The following PITPNM1 variants were observed in gnomAD, a reference collection of about 807,000 sequenced individuals.
PITPNM1 encodes the protein membrane-associated phosphatidylinositol transfer protein 1.
In PITPNM1, 74 loss-of-function variants were observed where a neutral mutation model predicts 133.3. The ratio of observed to expected loss-of-function variants is 0.56; its 90% CI spans 0.46 to 0.67. The LOEUF (loss-of-function observed/expected upper bound fraction) is 0.67. PITPNM1 is among the 30% of genes least tolerant of loss of function. PITPNM1 has a pLI of 0.00. For missense variants in PITPNM1, 1,398 were observed against 1,739.5 expected, an observed-to-expected ratio of 0.80 and a Z score of 3.49; for synonymous variants, 738 against 741.4, an observed-to-expected ratio of 1.00 and a Z score of 0.08.
At chr11:67,494,815 TGGGCGAGG>T (rs1866058533) in intron 18 of PITPNM1, 23 bp downstream of exon 18, 2 of 1,330,048 alleles carry the variant, frequency 1.5e-6, no homozygotes, top group African/African-American at 3.8e-5. Flanking sequence ...AGTGGGCGAG[TGGGCGAGG>T]GGGCGAGGGG....
At chr11:67,495,832 TTGGCCCATACATACC>T (rs1167406082) in intron 15 of PITPNM1, among the ~76,000 whole-genome samples, 1 of 152,218 alleles carries the variant, frequency 6.6e-6, no homozygotes, top group African/African-American at 2.4e-5. Flanking sequence ...ACAGGCCCGC[TTGGCCCATACATACC>T]TGGGCATGCC....
chr11:67,495,357 A>G (rs962056262), intron 16 of PITPNM1, 81 bp downstream of exon 16: 1 of 1,457,180 alleles, frequency 6.9e-7, no homozygotes. Context: ...GCTGGGGGAA[A>G]GGGTTTCTCA....
In PITPNM1 at chr11:67,493,416, C is replaced by T; in HGVS notation, c.3336G>A (p.Val1112=). 1 of 1,589,304 alleles carries T rather than the reference C, an allele frequency of 6.3e-7. No homozygotes were observed. Among genetic ancestry groups the T allele is most frequent in the South Asian group, 1.1e-5 (1 of 88,880 alleles). ...CCTCCCCCAGCCGCCGCACCTCCTG[C>T]ACCAGGCTCTGCAGAAACATTGCCT... The part of the protein sequence containing the change: ...RQKAMFLQSL[V]QEVELNIVAG... Residue 1112 remains valine, a synonymous_variant, in exon 22 of 24, where the codon GTG becomes GTA. Coordinates refer to ENST00000356404, the MANE Select transcript of PITPNM1 (RefSeq NM_004910.3).
Position 67,493,874 on chromosome 11 carries a change from C to T in PITPNM1, c.3009-37G>A, listed in dbSNP as rs931712595. ...GGGGCGGGGCGTGAGTGGCGCGGGG[C>T]GAGGCCTGGCGGAGCCCTCCCGCAG... On this transcript the variant is annotated intron_variant, in intron 20 of 23. Coordinates refer to ENST00000356404, the MANE Select transcript of PITPNM1 (RefSeq NM_004910.3). 2.4e-5 allele frequency: 36 copies of T among 1,520,834 alleles called. No homozygotes were observed. In the Middle Eastern group the frequency reaches 5.6e-4, roughly 24 times the overall value. 94.2% of individuals were successfully genotyped at this position (1,520,834 alleles called of 1,614,324 possible). A position where few individuals can be genotyped will look rare whatever the true frequency, so the allele number is the denominator to read the frequency against.
In PITPNM1 at chr11:67,504,572, C is replaced by G. The variant is rs1386095007; in HGVS notation, c.-41-351G>C. 1 of 152,160 alleles carries G rather than the reference C, an allele frequency of 6.6e-6. No individual in the cohort carries two copies. The highest frequency in any genetic ancestry group is 1.5e-5 in the Non-Finnish European group (1 of 68,014). 9.4% of individuals were successfully genotyped at this position (152,160 alleles called of 1,614,324 possible). A position where few individuals can be genotyped will look rare whatever the true frequency, so the allele number is the denominator to read the frequency against. ...CCCCGGGAAACGGCATCCCTCTGGG[C>G]GCGCCCCCGAAGCCCCGGGGCCCCT... On this transcript the variant is annotated intron_variant, in intron 1 of 23. Transcript: ENST00000356404. This position sits in a 1 kb window ranked among gnomAD's most constrained non-coding sequence, Gnocchi z 5.4.
chr11:67,499,587 ATCCATCC>A (rs1866251088), intron 8 of PITPNM1, 129 bp downstream of exon 8: 2 of 315,564 alleles, frequency 6.3e-6, no homozygotes, highest in African/African-American at 3.4e-5. Flanking sequence ...CCATCCATCC[ATCCATCC>A]ACCATTCATT....
Position 67,493,911 on chromosome 11 carries a change from G to A in PITPNM1, c.3008+11C>T, listed in dbSNP as rs749422849. 2.6e-6 allele frequency: 4 copies of A among 1,536,608 alleles called. No homozygotes were observed. The highest frequency in any genetic ancestry group is 3.5e-6 in the Non-Finnish European group (4 of 1,141,890). Reference sequence around the variant, plus strand: ...GAGCCCTCCCGCAGAGGCCCGGCCAGCCGCGCTCACCTGACCACCATGCGC... The same window carrying A: ...GAGCCCTCCCGCAGAGGCCCGGCCAACCGCGCTCACCTGACCACCATGCGC... On this transcript the variant is annotated intron_variant, in intron 20 of 23. Transcript: ENST00000356404.
In PITPNM1 at chr11:67,493,484, C is replaced by T. The variant is rs926260236; in HGVS notation, c.3268G>A (p.Val1090Ile). ...LSQHNFPHGV[V>I]SFCDGLTHDP... The stretch of plus-strand genomic sequence containing the variant: ...TGGGTGAGGCCGTCGCAGAAGGAGA[C>T]GACGCCGTGGGGGAAGTTGTGCTGC... Residue 1090 changes from valine to isoleucine, a missense_variant, in exon 22 of 24, where the codon GTC (valine) becomes ATC (isoleucine). Transcript: ENST00000356404. 2.5e-6 allele frequency: 4 copies of T among 1,603,662 alleles called. No individual in the cohort carries two copies. The highest frequency in any genetic ancestry group is 3.4e-6 in the Non-Finnish European group (4 of 1,175,650).
Position 67,501,846 on chromosome 11 carries a change from G to A in PITPNM1, c.640+16C>T, listed in dbSNP as rs764474574. 10 of 1,609,238 alleles carry A rather than the reference G, an allele frequency of 6.2e-6. No individual in the cohort carries two copies. Among genetic ancestry groups the A allele is most frequent in the East Asian group, 4.5e-5 (2 of 44,820 alleles). On this transcript the variant is annotated intron_variant, in intron 5 of 23. Coordinates refer to ENST00000356404, the MANE Select transcript of PITPNM1 (RefSeq NM_004910.3). ...GCATGCTGGGTAAGTGGGACCTCCC[G>A]CAGCTGGGTGCTCACCTACATCATG...
chr11:67,503,836 C>T, intron 2 of PITPNM1: 8 of 362,924 alleles, frequency 2.2e-5, no homozygotes, highest in Non-Finnish European at 4.0e-5. Context: ...ATTCTTGCCG[C>T]CTCCTGGGCG....
At chr11:67,496,085 C>T (rs1866110962) in intron 15 of PITPNM1, 93 bp downstream of exon 15, 1 of 1,228,750 alleles carries the variant, frequency 8.1e-7, no homozygotes, top group Non-Finnish European at 1.1e-6. Flanking sequence ...AGAGGTTTTC[C>T]ATCGTCTGGG....
At chr11:67,492,341 C>T (rs776704755) in intron 23 of PITPNM1, 45 bp from the exon 24 acceptor site, 2 of 1,501,666 alleles carry the variant, frequency 1.3e-6, no homozygotes, top group East Asian at 4.7e-5. Flanking sequence ...TGGCCAAGGG[C>T]CCACACGCTG....
intron 14 of PITPNM1, chr11:67,496,931 C>CA (rs772958237): frequency 0.13 from 20,348 of 158,992 alleles, 1,270 homozygotes; most frequent in African/African-American, 0.31. Flanking sequence ...GACTCTGTCT[C>CA]AAAAAAAAAA....
At chr11:67,505,963 G>A (rs1452314134), upstream of PITPNM1, among the ~76,000 whole-genome samples, 1 of 152,228 alleles carries the variant, frequency 6.6e-6, no homozygotes, top group East Asian at 1.9e-4. This position sits in a 1 kb window ranked among gnomAD's most constrained non-coding sequence, Gnocchi z 5.8. Flanking sequence ...GGCCTCACGA[G>A]GCACCCCAAG....
chr11:67,501,577 T>A (rs1866322273), intron 5 of PITPNM1, among the ~76,000 whole-genome samples: 1 of 152,184 alleles, frequency 6.6e-6, no homozygotes, highest in African/African-American at 2.4e-5. Flanking sequence ...TGTCTCTAAG[T>A]CTCATCTAAC....
chr11:67,497,517 G>A lies in PITPNM1; in HGVS notation c.1940+5C>T, dbSNP rs752644900. 9 of 1,605,920 alleles carry A rather than the reference G, an allele frequency of 5.6e-6. No homozygotes were observed. Among genetic ancestry groups the A allele is most frequent in the South Asian group, 3.3e-5 (3 of 90,546 alleles). ...AGGGTAGGGGTGATGGGGCAGGGAC[G>A]TCACCTGTTCTGAGAGCCCTCGGGC... On this transcript the variant is annotated splice_donor_5th_base_variant and intron_variant, in intron 13 of 23. Transcript: ENST00000356404.
chr11:67,505,785 G>A (rs934611131), upstream of PITPNM1, among the ~76,000 whole-genome samples: 26 of 152,280 alleles, frequency 1.7e-4, no homozygotes, highest in African/African-American at 6.0e-4. This position sits in a 1 kb window ranked among gnomAD's most constrained non-coding sequence, Gnocchi z 5.8. Flanking sequence ...GGCTGGGCTC[G>A]GCTCCAGGGC....
At chr11:67,492,587 C>T (rs1047637461) in intron 23 of PITPNM1, among the ~76,000 whole-genome samples, 1 of 152,258 alleles carries the variant, frequency 6.6e-6, no homozygotes, top group African/African-American at 2.4e-5. Flanking sequence ...TGTGCCCAGC[C>T]CTGTGCCTGT....
chr11:67,497,398 G>C lies in PITPNM1; in HGVS notation c.1979C>G (p.Pro660Arg). 2.5e-6 allele frequency: 4 copies of C among 1,591,744 alleles called. No homozygotes were observed. The highest frequency in any genetic ancestry group is 3.4e-6 in the Non-Finnish European group (4 of 1,166,482). Residue 660 changes from proline to arginine, a missense_variant, in exon 14 of 24, where the codon CCC becomes CGC. By Grantham distance (103) the Pro-to-Arg change is moderately radical. Around this residue, in one of 5 missense-constraint regions of PITPNM1, gnomAD observed 574 missense variants for 698.7 expected, o/e 0.82. Transcript: ENST00000356404. ...GCAGAAGGCCGTGCTTGCCCGCCGG[G>C]GCTCCCAGGAGGAGGTGGTTGCGGG... Reference protein sequence around the residue: ...AAPATTSSWEPRRASTAFCPP... With the variant: ...AAPATTSSWERRRASTAFCPP...
Sources: allele counts gnomAD v4.1 joint callset (sites outside exome capture counted in the v4.1 genomes callset), GRCh38; gene constraint gnomAD v4.1.1; regional missense constraint gnomAD v4.1.1; non-coding constraint Gnocchi (gnomAD v3.1); transcripts MANE v1.5; gene names NCBI Gene and HGNC (gene_info 2026-07-23, HGNC 2026-07-21).